PDZRN3: variants seen among roughly 807,000 people sequenced by gnomAD.
PDZRN3 encodes E3 ubiquitin-protein ligase PDZRN3.
Under a neutral mutation model 85.7 loss-of-function variants are expected in PDZRN3, and 38 were observed. That is an observed-to-expected ratio of 0.44 (90% confidence interval 0.34 to 0.58). The LOEUF (loss-of-function observed/expected upper bound fraction) is 0.58. Ranked by LOEUF, PDZRN3 falls within the 20% of genes least tolerant of loss-of-function variation. PDZRN3 has a pLI of 0.01. For missense variants in PDZRN3, 1,629 were observed against 1,506.4 expected (o/e 1.08, Z -1.35); for synonymous variants, 759 against 638.0 (o/e 1.19, Z -2.86).
chr3:73,473,425 T>G (rs1703386895), intron 3 of PDZRN3, among the ~76,000 whole-genome samples: 1 of 151,818 alleles, frequency 6.6e-6, no homozygotes, highest in Admixed American at 6.6e-5. Context: ...AAGAAAGAAT[T>G]TGAAATTCAG....
chr3:73,508,818 T>TC (rs1280759110), intron 3 of PDZRN3, among the ~76,000 whole-genome samples: 1 of 152,136 alleles, frequency 6.6e-6, no homozygotes, highest in Non-Finnish European at 1.5e-5. Context: ...ATTTTTTCTC[T>TC]CCCCTGTCCA....
rs544935240 is a variant in PDZRN3 at position 73,499,841 on chromosome 3, AATG to A, written c.919-95449_919-95447del. 3.9e-5 allele frequency among the ~76,000 whole-genome samples: 6 copies of A among 152,274 alleles called. No homozygotes were observed. The East Asian group carries it at 1.2e-3, about 29-fold the overall frequency. ...TGACATAACTTCCTTGCCTATAGTA[AATG>A]ATGATAATGAAAGTACCTACCTCTA... is the stretch of plus-strand genomic sequence containing the variant. On this transcript the variant is annotated intron_variant, in intron 3 of 9. Transcript: ENST00000263666.
chr3:73,486,149 C>G (rs9819291), intron 3 of PDZRN3, among the ~76,000 whole-genome samples: 1 of 152,202 alleles, frequency 6.6e-6, no homozygotes, highest in African/African-American at 2.4e-5. Context: ...GTGAAGGAAA[C>G]AGAAAAATAA....
chr3:73,390,654 T>TGTGTGTGTGTGTGTGA (rs36036904), intron 6 of PDZRN3, among the ~76,000 whole-genome samples: 62 of 140,050 alleles, frequency 4.4e-4, no homozygotes, highest in Non-Finnish European at 7.1e-4. Flanking sequence ...TGTGTGTGTG[T>TGTGTGTGTGTGTGTGA]GAGAGAGAGA....
intron 3 of PDZRN3, among the ~76,000 whole-genome samples, chr3:73,447,067 A>T (rs1052574270): frequency 4.9e-5 from 7 of 141,954 alleles, no homozygotes; most frequent in South Asian, 4.4e-4. Flanking sequence ...AAAGAATTGC[A>T]ATATATATAT....
intron 3 of PDZRN3, chr3:73,434,007 C>T: frequency 8.3e-7 from 1 of 1,206,532 alleles, no homozygotes; most frequent in Non-Finnish European, 1.1e-6. Context: ...GATTGTGGTC[C>T]AATGCACACG....
rs565084703 is a variant in PDZRN3 at position 73,529,488 on chromosome 3, C to A, written c.918+72866G>T. ...CCCTGCTACAGTGAGAACGTTTGCA[C>A]TGCCACCTTTGGGACTCCTTCTGCC... On this transcript the variant is annotated intron_variant, in intron 3 of 9. Coordinates refer to ENST00000263666, the MANE Select transcript of PDZRN3 (RefSeq NM_015009.3). Among the ~76,000 whole-genome samples, 3 of 152,342 alleles carry A rather than the reference C, an allele frequency of 2.0e-5. No individual in the cohort carries two copies. In the South Asian group the frequency reaches 6.2e-4, roughly 32 times the overall value.
At chr3:73,414,413 G>A (rs1702035113) in intron 3 of PDZRN3, among the ~76,000 whole-genome samples, 2 of 152,230 alleles carry the variant, frequency 1.3e-5, no homozygotes, top group South Asian at 2.1e-4. Context: ...TACAAAGAGT[G>A]GTTTGGCATC....
intron 3 of PDZRN3, among the ~76,000 whole-genome samples, chr3:73,525,413 TCTC>T (rs1353732650): frequency 6.6e-6 from 1 of 152,186 alleles, no homozygotes; most frequent in African/African-American, 2.4e-5. Context: ...CTTCAAAACT[TCTC>T]CTTCCTTCTG....
intron 3 of PDZRN3, among the ~76,000 whole-genome samples, chr3:73,406,748 T>C (rs879454435): frequency 1.3e-5 from 2 of 152,212 alleles, no homozygotes; most frequent in Admixed American, 6.5e-5. Context: ...AGAATGGGAT[T>C]TTCTTACTAT....
chr3:73,386,296 A>T (rs4082466), intron 8 of PDZRN3, among the ~76,000 whole-genome samples: 2 of 145,956 alleles, frequency 1.4e-5, no homozygotes, highest in Admixed American at 6.9e-5. Context: ...GGCACGATCT[A>T]GGTTCACTGC....
chr3:73,442,811 T>C (rs1211009779), intron 3 of PDZRN3, among the ~76,000 whole-genome samples: 1 of 151,820 alleles, frequency 6.6e-6, no homozygotes, highest in African/African-American at 2.4e-5. Flanking sequence ...TGAGATGGGG[T>C]ATGTGGTCCC....
chr3:73,384,259 G>A lies in PDZRN3; in HGVS notation c.2307C>T (p.Leu769=), dbSNP rs777364725. Residue 769 remains leucine, a synonymous_variant, in exon 10 of 10, where the codon CTC becomes CTT. Coordinates refer to ENST00000263666, the MANE Select transcript of PDZRN3 (RefSeq NM_015009.3). ...NTGESCRSTP[L]TLEISPDNSL... is the part of the protein sequence containing the mutation. ...AGTTGTCGGGGGAGATCTCCAGGGT[G>A]AGCGGGGTGCTGCGGCAGCTCTCGC... 8.1e-6 allele frequency: 13 copies of A among 1,613,048 alleles called. No homozygotes were observed. The highest frequency in any genetic ancestry group is 1.1e-5 in the Non-Finnish European group (13 of 1,179,788).
chr3:73,440,328 AG>A (rs1203487911), intron 3 of PDZRN3, among the ~76,000 whole-genome samples: 1 of 152,208 alleles, frequency 6.6e-6, no homozygotes, highest in Non-Finnish European at 1.5e-5. Context: ...AATCCCACGC[AG>A]GCCAGTGAGC....
chr3:73,543,783 C>G (rs1701343534), intron 3 of PDZRN3, among the ~76,000 whole-genome samples: 1 of 152,326 alleles, frequency 6.6e-6, no homozygotes, highest in African/African-American at 2.4e-5. Context: ...ACATCTAAAA[C>G]AGACTATTAA....
At chr3:73,426,669 G>A (rs1054706294) in intron 3 of PDZRN3, among the ~76,000 whole-genome samples, 8 of 152,114 alleles carry the variant, frequency 5.3e-5, no homozygotes, top group African/African-American at 1.9e-4. Context: ...CCCTCTTCCA[G>A]CATTTTTGAT....
intron 3 of PDZRN3, among the ~76,000 whole-genome samples, chr3:73,411,589 T>C (rs1039516855): frequency 2.0e-5 from 3 of 150,054 alleles, no homozygotes; most frequent in Admixed American, 6.6e-5. Context: ...TGGCTTTCAC[T>C]AGGTCGGGAG....
chr3:73,586,611 C>T (rs1385623997), intron 3 of PDZRN3, among the ~76,000 whole-genome samples: 1 of 152,184 alleles, frequency 6.6e-6, no homozygotes, highest in East Asian at 1.9e-4. Context: ...CACAGGGACA[C>T]TTCACCGGGG....
chr3:73,470,387 C>A (rs543332321), intron 3 of PDZRN3, among the ~76,000 whole-genome samples: 3 of 152,308 alleles, frequency 2.0e-5, no homozygotes, highest in East Asian at 1.9e-4. Flanking sequence ...AACTAACCTT[C>A]ATGAAGTCTG....
Sources: gnomAD v4.1 joint callset for allele counts (sites outside exome capture counted in the v4.1 genomes callset) on GRCh38, gnomAD v4.1.1 for gene constraint, MANE v1.5 for transcripts, NCBI Gene and HGNC (gene_info 2026-07-23, HGNC 2026-07-21) for gene names.